ACADSB: variants seen among roughly 807,000 people sequenced by gnomAD.
The protein encoded by ACADSB is short/branched chain specific acyl-CoA dehydrogenase, mitochondrial.
A neutral mutation model predicts 54.1 loss-of-function variants in ACADSB; 40 were observed. The ratio of observed to expected loss-of-function variants is 0.74; its 90% confidence interval spans 0.57 to 0.96. ACADSB has a LOEUF of 0.96. Among genes scored for constraint, ACADSB ranks in the 40% least tolerant of loss-of-function variants. The probability of loss-of-function intolerance (pLI) is 0.00; values close to 1 mark genes in which losing one functional copy is unlikely to be tolerated. For missense variants in ACADSB, 530 were observed against 510.4 expected, an observed-to-expected ratio of 1.04 and a Z score of -0.37; for synonymous variants, 182 against 182.8, an observed-to-expected ratio of 1.00 and a Z score of 0.03.
At chr10:123,045,427 G>A (rs199991846) in intron 7 of ACADSB, among the ~76,000 whole-genome samples, 16 of 151,340 alleles carry the variant, frequency 1.1e-4, no homozygotes, top group African/African-American at 3.4e-4. Flanking sequence ...TGATCCACCC[G>A]CCTCGGCCTC....
At chr10:123,039,203 T>C (rs1263104200) in intron 3 of ACADSB, among the ~76,000 whole-genome samples, 1 of 152,174 alleles carries the variant, frequency 6.6e-6, no homozygotes, top group Non-Finnish European at 1.5e-5. Context: ...GTTTCCGGAG[T>C]GCCCTCCTCA....
intron 1 of ACADSB, among the ~76,000 whole-genome samples, chr10:123,025,604 C>G (rs899331469): frequency 1.3e-5 from 2 of 152,210 alleles, no homozygotes; most frequent in Non-Finnish European, 2.9e-5. Flanking sequence ...GCTAATTTCC[C>G]TAATTTGTAT....
chr10:123,020,148 A>G (rs1344951452), intron 1 of ACADSB, among the ~76,000 whole-genome samples: 1 of 152,184 alleles, frequency 6.6e-6, no homozygotes, highest in African/African-American at 2.4e-5. Context: ...TTTTGTTTAT[A>G]TACCTACCTT....
At chr10:123,051,489 C>T (rs773080571) in intron 9 of ACADSB, among the ~76,000 whole-genome samples, 1 of 152,182 alleles carries the variant, frequency 6.6e-6, no homozygotes, top group Middle Eastern at 3.4e-3. Flanking sequence ...TCGTGAGTAG[C>T]CCAGCTCAGA....
intron 1 of ACADSB, chr10:123,027,396 G>A (rs1564748388): frequency 2.9e-6 from 1 of 346,116 alleles, no homozygotes; most frequent in African/African-American, 2.2e-5. Context: ...TGTTGTGGGA[G>A]GGACACAGGG....
At chr10:123,038,112 C>A (rs1850423761) in intron 3 of ACADSB, among the ~76,000 whole-genome samples, 1 of 152,114 alleles carries the variant, frequency 6.6e-6, no homozygotes, top group African/African-American at 2.4e-5. Flanking sequence ...CAAATGGGGG[C>A]AGTTTTGCCC....
At chr10:123,022,636 AAC>A (rs1850197581) in intron 1 of ACADSB, among the ~76,000 whole-genome samples, 1 of 152,172 alleles carries the variant, frequency 6.6e-6, no homozygotes, top group Non-Finnish European at 1.5e-5. Context: ...TCTCACTAAT[AAC>A]ACAAGCCTTT....
intron 1 of ACADSB, among the ~76,000 whole-genome samples, chr10:123,016,177 C>T (rs1002385189): frequency 6.6e-6 from 1 of 152,100 alleles, no homozygotes; most frequent in South Asian, 2.1e-4. Context: ...GAAAGTGGAC[C>T]AGTGCTAAAG....
At chr10:123,042,932 T>A (rs555696208) in intron 5 of ACADSB, 114 bp from the exon 6 acceptor site, 365 of 1,188,370 alleles carry the variant, frequency 3.1e-4, no homozygotes, top group Non-Finnish European at 4.2e-4. Context: ...CAATTCTGAG[T>A]CCATTAGTAT....
intron 2 of ACADSB, among the ~76,000 whole-genome samples, chr10:123,037,100 A>G (rs962873312): frequency 2.0e-5 from 3 of 152,204 alleles, no homozygotes; most frequent in Non-Finnish European, 4.4e-5. Flanking sequence ...GATTGCCACA[A>G]CTTAGAAGTA....
chr10:123,030,962 C>T (rs540419384), intron 1 of ACADSB, among the ~76,000 whole-genome samples: 31 of 152,190 alleles, frequency 2.0e-4, no homozygotes, highest in South Asian at 1.5e-3. Context: ...TCCCCAAAGA[C>T]GCTAGATATA....
chr10:123,045,432 G>T (rs1027068300), intron 7 of ACADSB, among the ~76,000 whole-genome samples: 1 of 151,362 alleles, frequency 6.6e-6, no homozygotes, highest in Non-Finnish European at 1.5e-5. Flanking sequence ...CACCCGCCTC[G>T]GCCTCCCAAA....
chr10:123,038,464 C>G (rs1850427525), intron 3 of ACADSB, among the ~76,000 whole-genome samples: 1 of 152,144 alleles, frequency 6.6e-6, no homozygotes, highest in African/African-American at 2.4e-5. Flanking sequence ...GAAATAGATA[C>G]AAGTAAAACC....
Position 123,055,534 on chromosome 10 carries a change from A to T in ACADSB, c.*1769A>T, listed in dbSNP as rs879043804. On this transcript the variant is annotated 3_prime_UTR_variant, in exon 11 of 11. Coordinates refer to ENST00000358776, the MANE Select transcript of ACADSB (RefSeq NM_001609.4). Reference sequence around the variant, plus strand: ...ATGTCCTCACATTTCAAAACCAATCATGCCTTCCCAACAGTCCCCCAAAGT... The same window carrying T: ...ATGTCCTCACATTTCAAAACCAATCTTGCCTTCCCAACAGTCCCCCAAAGT... The T allele has an allele frequency of 1.3e-5, 2 of 152,132 alleles. No individual in the cohort carries two copies. The highest frequency in any genetic ancestry group is 3.2e-3 in the Middle Eastern group (1 of 316). 9.4% of individuals were successfully genotyped at this position (152,132 alleles called of 1,614,324 possible).
chr10:123,036,384 G>A (rs1850399036), intron 2 of ACADSB, among the ~76,000 whole-genome samples: 1 of 152,234 alleles, frequency 6.6e-6, no homozygotes, highest in South Asian at 2.1e-4. Flanking sequence ...ACTGCGCCCA[G>A]CTAGTAAATT....
At chr10:123,042,457 CTTTTT>C (rs60480402) in intron 5 of ACADSB, among the ~76,000 whole-genome samples, 3 of 115,794 alleles carry the variant, frequency 2.6e-5, no homozygotes, top group Admixed American at 1.1e-4. Flanking sequence ...ATTGTTAAAA[CTTTTT>C]TTTTTTTTTT....
At position 123,041,339 on chromosome 10, in the gene ACADSB, C is replaced by A. The variant is rs887880417; in HGVS notation, c.641C>A (p.Ala214Glu). ...ATGTGGATCAGCAGTGCTGAGCACGCAGGGCTCTTTCTGGTGATGGCAAAT... is the reference window on the plus strand; with the variant it reads ...ATGTGGATCAGCAGTGCTGAGCACGAAGGGCTCTTTCTGGTGATGGCAAAT... ...SKMWISSAEH[A>E]GLFLVMANVD... The change falls in exon 5 of 11, where the codon GCA becomes GAA. Residue 214 changes from alanine (A) to glutamate (E), a missense_variant. By Grantham distance (107) the Ala-to-Glu change is moderately radical. Transcript: ENST00000358776. The A allele has an allele frequency of 3.7e-6, 6 of 1,614,088 alleles. No individual in the cohort carries two copies. Among genetic ancestry groups the A allele is most frequent in the Non-Finnish European group, 4.2e-6 (5 of 1,180,044 alleles).
chr10:123,051,001 T>G lies in ACADSB; in HGVS notation c.991-48T>G, dbSNP rs779698379. The G allele has an allele frequency of 3.1e-6, 5 of 1,600,636 alleles. No homozygotes were observed. In the South Asian group the frequency reaches 4.5e-5, roughly 14 times the overall value. Reference sequence around the variant, plus strand: ...AGGCAGGACTTTGAGGTTGAGGTGCTTGCTTTTTTGAAATCATAATTCTCT... The same window carrying G: ...AGGCAGGACTTTGAGGTTGAGGTGCGTGCTTTTTTGAAATCATAATTCTCT... On this transcript the variant is annotated intron_variant, in intron 8 of 10. Coordinates refer to ENST00000358776, the MANE Select transcript of ACADSB (RefSeq NM_001609.4).
chr10:123,034,593 G>A (rs1850372577), intron 2 of ACADSB, 78 bp downstream of exon 2: 4 of 1,486,226 alleles, frequency 2.7e-6, no homozygotes, highest in Non-Finnish European at 3.7e-6. Context: ...ATGGCTCACT[G>A]CAGCCCCACC....
Sources: allele counts gnomAD v4.1 joint callset (sites outside exome capture counted in the v4.1 genomes callset), GRCh38; gene constraint gnomAD v4.1.1; transcripts MANE v1.5; gene names NCBI Gene and HGNC (gene_info 2026-07-23, HGNC 2026-07-21).